Variants in THSD7B observed in about 807,000 individuals in gnomAD.
THSD7B encodes thrombospondin type 1 domain containing 7B, also known as thrombospondin type-1 domain-containing protein 7B.
THSD7B carries 138 observed loss-of-function variants against 213.6 expected under a neutral mutation model. The ratio of observed to expected loss-of-function variants is 0.65; its 90% CI spans 0.56 to 0.74. The LOEUF is 0.74. Ranked by LOEUF, THSD7B falls within the 30% of genes least tolerant of loss-of-function variation. The probability of loss-of-function intolerance (pLI) is 0.00; values close to 1 mark genes in which losing one functional copy is unlikely to be tolerated. For synonymous variants in THSD7B, 742 were observed against 687.0 expected, an observed-to-expected ratio of 1.08 and a Z score of -1.25; for missense variants, 1,931 against 1,991.5, an observed-to-expected ratio of 0.97 and a Z score of 0.58.
chr2:137,521,390 A>G (rs1475343462), intron 15 of THSD7B, among the ~76,000 whole-genome samples: 1 of 151,994 alleles, frequency 6.6e-6, no homozygotes, highest in African/African-American at 2.4e-5. Flanking sequence ...AAGCTTGTAC[A>G]CTCATGGGTA....
chr2:137,173,031 C>A (rs1392000998), intron 7 of THSD7B, among the ~76,000 whole-genome samples: 1 of 152,134 alleles, frequency 6.6e-6, no homozygotes, highest in African/African-American at 2.4e-5. Context: ...AACTAGGAAG[C>A]ATCCTTTCTT....
intron 2 of THSD7B, among the ~76,000 whole-genome samples, chr2:136,914,859 ATGT>A (rs1684325710): frequency 6.6e-6 from 1 of 152,302 alleles, no homozygotes; most frequent in Admixed American, 6.5e-5. Flanking sequence ...ATTATGTGAA[ATGT>A]TGTGATCAGT....
intron 20 of THSD7B, among the ~76,000 whole-genome samples, chr2:137,626,010 T>C (rs953228182): frequency 6.6e-6 from 1 of 152,216 alleles, no homozygotes; most frequent in Non-Finnish European, 1.5e-5. Context: ...CTAGGGCAGA[T>C]TGAGCCATGG....
chr2:137,133,154 C>T (rs1156845495), intron 5 of THSD7B, among the ~76,000 whole-genome samples: 4 of 152,162 alleles, frequency 2.6e-5, no homozygotes, highest in Non-Finnish European at 5.9e-5. Context: ...CTAGGAAATC[C>T]ACTCTCTTTT....
chr2:137,440,813 A>G (rs1046368007), intron 14 of THSD7B, among the ~76,000 whole-genome samples: 1 of 152,164 alleles, frequency 6.6e-6, no homozygotes, highest in Non-Finnish European at 1.5e-5. Context: ...GATTCAGGTC[A>G]GAGTTTCTTT....
intron 2 of THSD7B, among the ~76,000 whole-genome samples, chr2:136,966,299 C>T (rs556428083): frequency 6.6e-6 from 1 of 152,116 alleles, no homozygotes; most frequent in Admixed American, 6.5e-5. Context: ...CTCACTGCAG[C>T]CTCAGCCCAC....
At chr2:137,359,423 A>C (rs1324625170) in intron 12 of THSD7B, among the ~76,000 whole-genome samples, 1 of 152,186 alleles carries the variant, frequency 6.6e-6, no homozygotes, top group African/African-American at 2.4e-5. Context: ...AAACGTCAAG[A>C]CATCAGAGTA....
intron 20 of THSD7B, among the ~76,000 whole-genome samples, chr2:137,630,193 C>T (rs1285000796): frequency 6.6e-6 from 1 of 152,188 alleles, no homozygotes; most frequent in East Asian, 1.9e-4. Flanking sequence ...TGGGTTATGC[C>T]ATGTTACCCA....
At chr2:137,520,397 A>G (rs1437638737) in intron 15 of THSD7B, among the ~76,000 whole-genome samples, 2 of 152,260 alleles carry the variant, frequency 1.3e-5, no homozygotes, top group East Asian at 1.9e-4. Context: ...AGCACTCTGT[A>G]TATATAATGA....
At chr2:137,385,580 G>T (rs1230526180) in intron 12 of THSD7B, among the ~76,000 whole-genome samples, 1 of 152,134 alleles carries the variant, frequency 6.6e-6, no homozygotes, top group East Asian at 1.9e-4. Context: ...TAACCTCTAA[G>T]GAAAGCTTGC....
chr2:136,970,713 G>A (rs1341377342), intron 2 of THSD7B, among the ~76,000 whole-genome samples: 2 of 151,998 alleles, frequency 1.3e-5, no homozygotes, highest in Non-Finnish European at 2.9e-5. Flanking sequence ...TTTAGTAAAT[G>A]AAAAGAAACA....
chr2:137,082,217 C>T (rs1181409626), intron 3 of THSD7B, among the ~76,000 whole-genome samples: 1 of 152,096 alleles, frequency 6.6e-6, no homozygotes, highest in East Asian at 1.9e-4. Context: ...GGATTCTCTT[C>T]CTCTACGTTC....
chr2:136,888,968 TGC>T (rs56974562), intron 2 of THSD7B, among the ~76,000 whole-genome samples: 3 of 147,218 alleles, frequency 2.0e-5, no homozygotes, highest in Non-Finnish European at 4.6e-5. Context: ...TGTGTGTGTG[TGC>T]TTGTGTGTGT....
chr2:137,497,883 C>A (rs143526207), intron 15 of THSD7B, among the ~76,000 whole-genome samples: 2,879 of 152,166 alleles, frequency 0.019, 95 homozygotes, highest in African/African-American at 0.063. Flanking sequence ...GTGCTTGTTT[C>A]TTTTAAGGCT....
chr2:137,074,826 A>G (rs1414633209), intron 3 of THSD7B, among the ~76,000 whole-genome samples: 1 of 152,074 alleles, frequency 6.6e-6, no homozygotes, highest in South Asian at 2.1e-4. Context: ...AAAGGATTTT[A>G]TTTCTCCTTC....
intron 1 of THSD7B, among the ~76,000 whole-genome samples, chr2:136,775,331 G>A (rs1681580103): frequency 6.6e-6 from 1 of 152,080 alleles, no homozygotes; most frequent in African/African-American, 2.4e-5. Flanking sequence ...TTCAAATAAT[G>A]AAGACAAAGT....
intron 2 of THSD7B, among the ~76,000 whole-genome samples, chr2:136,926,195 C>T (rs551429725): frequency 5.3e-5 from 8 of 152,202 alleles, no homozygotes; most frequent in Admixed American, 5.2e-4. Context: ...CAGATGGATT[C>T]CTCCTATGAT....
At chr2:137,101,343 C>A (rs999429045) in intron 4 of THSD7B, among the ~76,000 whole-genome samples, 1 of 152,130 alleles carries the variant, frequency 6.6e-6, no homozygotes, top group Non-Finnish European at 1.5e-5. Flanking sequence ...TGCCGGCCTT[C>A]CATTGATTTT....
chr2:137,664,719 G>C (rs1011082807), intron 26 of THSD7B, among the ~76,000 whole-genome samples: 1 of 152,100 alleles, frequency 6.6e-6, no homozygotes, highest in African/African-American at 2.4e-5. Flanking sequence ...GGTTTTAAAG[G>C]CAGATCTTTT....
Sources: gnomAD v4.1 joint callset for allele counts (sites outside exome capture counted in the v4.1 genomes callset) on GRCh38, gnomAD v4.1.1 for gene constraint, MANE v1.5 for transcripts, NCBI Gene and HGNC (gene_info 2026-07-23, HGNC 2026-07-21) for gene names.